Variants in CSMD1 observed in about 807,000 individuals in gnomAD.
The protein encoded by CSMD1 is CUB and Sushi multiple domains 1.
CSMD1 carries 213 observed loss-of-function variants against 417.5 expected under a neutral mutation model. That is an observed-to-expected ratio of 0.51 (90% confidence interval 0.46 to 0.57). CSMD1 has a LOEUF of 0.57. Ranked by LOEUF, CSMD1 falls within the 20% of genes least tolerant of loss-of-function variation. The probability of loss-of-function intolerance (pLI) is 0.00; values close to 1 mark genes in which losing one functional copy is unlikely to be tolerated. For synonymous variants in CSMD1, 2,862 were observed against 1,736.8 expected (o/e 1.65, Z -16.11); for missense variants, 6,923 against 4,529.7 (o/e 1.53, Z -15.17).
intron 1 of CSMD1, among the ~76,000 whole-genome samples, chr8:4,811,447 T>C (rs1798902165): frequency 1.3e-5 from 2 of 152,196 alleles, no homozygotes; most frequent in Admixed American, 6.5e-5. Flanking sequence ...TGATTATTTT[T>C]GTTCTAGAAG....
chr8:4,943,630 T>G (rs1808173886), intron 1 of CSMD1, among the ~76,000 whole-genome samples: 1 of 152,218 alleles, frequency 6.6e-6, no homozygotes, highest in Admixed American at 6.5e-5. Flanking sequence ...AAGGGTGTGA[T>G]GATTTATACT....
intron 7 of CSMD1, among the ~76,000 whole-genome samples, chr8:3,619,318 T>A (rs1192325024): frequency 6.6e-6 from 1 of 152,054 alleles, no homozygotes; most frequent in Non-Finnish European, 1.5e-5. Flanking sequence ...CACTAATTAG[T>A]GAACATTTTC....
chr8:3,700,374 T>C (rs1017318931), intron 7 of CSMD1: 1 of 152,224 alleles, frequency 6.6e-6, no homozygotes, highest in Admixed American at 6.5e-5. Context: ...TATGTGTGTG[T>C]TTATGATACA....
chr8:4,349,352 T>C (rs953429328), intron 3 of CSMD1, among the ~76,000 whole-genome samples: 2 of 152,214 alleles, frequency 1.3e-5, no homozygotes, highest in African/African-American at 2.4e-5. Flanking sequence ...GTAGGTGTTA[T>C]CGTATTTTAC....
At chr8:4,637,223 C>A in intron 2 of CSMD1, 119 bp downstream of exon 2, 1 of 821,008 alleles carries the variant, frequency 1.2e-6, no homozygotes, top group Middle Eastern at 3.8e-4. Flanking sequence ...AGCGAGGCCA[C>A]GAACCCACCG....
Position 3,270,046 on chromosome 8 carries a change from C to CTTTTTTTT in CSMD1, c.4153+14090_4153+14097dup, listed in dbSNP as rs200994813. 8.1e-4 allele frequency among the ~76,000 whole-genome samples: 96 copies of CTTTTTTTT among 118,364 alleles called. 2 individuals are homozygous for CTTTTTTTT. Among genetic ancestry groups the CTTTTTTTT allele is most frequent in the Middle Eastern group, 4.7e-3 (1 of 214 alleles). The allele number at this position is 118,364 out of a possible 152,430, so 77.7% of individuals were successfully genotyped here. ...GAGCAAGGACTTTCTCTAACCTCTT[C>CTTTTTTTT]TTTTTTTTTTTTTTTTTTTTTGAGA... On this transcript the variant is annotated intron_variant, in intron 26 of 69. Transcript: ENST00000635120.
chr8:2,952,349 T>C (rs1279578370), intron 65 of CSMD1, among the ~76,000 whole-genome samples: 1 of 152,180 alleles, frequency 6.6e-6, no homozygotes, highest in African/African-American at 2.4e-5. Flanking sequence ...CCTATACCCA[T>C]GCTTTTCTTT....
chr8:4,667,303 T>G (rs1805001453), intron 1 of CSMD1, among the ~76,000 whole-genome samples: 1 of 152,150 alleles, frequency 6.6e-6, no homozygotes, highest in African/African-American at 2.4e-5. Context: ...TCCAATTTAG[T>G]GCTTCTTTCT....
intron 5 of CSMD1, among the ~76,000 whole-genome samples, chr8:3,771,946 A>C (rs1318422184): frequency 2.0e-5 from 3 of 152,026 alleles, no homozygotes; most frequent in African/African-American, 2.4e-5. Context: ...AAGCCGTGTA[A>C]TGTCTACTGG....
chr8:3,773,478 G>A (rs1334217420), intron 5 of CSMD1, among the ~76,000 whole-genome samples: 1 of 151,916 alleles, frequency 6.6e-6, no homozygotes, highest in Non-Finnish European at 1.5e-5. Context: ...GTAGAGATTG[G>A]GTCTCACCGT....
chr8:4,143,216 G>C (rs908239777), intron 3 of CSMD1, among the ~76,000 whole-genome samples: 2 of 151,150 alleles, frequency 1.3e-5, no homozygotes, highest in African/African-American at 4.9e-5. Context: ...CCACAGAACG[G>C]TGTGGTCTAA....
chr8:3,499,179 G>A (rs761484740), intron 10 of CSMD1, among the ~76,000 whole-genome samples: 1 of 152,168 alleles, frequency 6.6e-6, no homozygotes, highest in African/African-American at 2.4e-5. Context: ...GTCTCATAGT[G>A]TCAGTTGGGT....
At chr8:4,950,837 T>A (rs1808696000) in intron 1 of CSMD1, among the ~76,000 whole-genome samples, 1 of 152,058 alleles carries the variant, frequency 6.6e-6, no homozygotes, top group Admixed American at 6.6e-5. Context: ...GGAGCACCAC[T>A]CAACCACTCT....
chr8:3,960,467 A>G (rs1343162134), intron 5 of CSMD1, among the ~76,000 whole-genome samples: 6 of 152,216 alleles, frequency 3.9e-5, no homozygotes, highest in African/African-American at 1.4e-4. Context: ...AGGGGCGAAT[A>G]TTATTTATGC....
rs1175905929 is a variant in CSMD1 at position 3,394,012 on chromosome 8, T to TTATA, written c.2593+2178_2593+2181dup. 7.7e-3 allele frequency among the ~76,000 whole-genome samples: 242 copies of TTATA among 31,386 alleles called. 2 individuals are homozygous for TTATA. The highest frequency in any genetic ancestry group is 9.3e-3 in the Non-Finnish European group (156 of 16,748). 20.6% of individuals were successfully genotyped at this position (31,386 alleles called of 152,430 possible). On this transcript the variant is annotated intron_variant, in intron 17 of 69. Transcript: ENST00000635120. ...ATAATAATAATAATAAAAAAATAAA[T>TTATA]TATATATATATATATATATATATAT... is the stretch of plus-strand genomic sequence containing the variant.
At chr8:3,028,510 A>C (rs190645002) in intron 51 of CSMD1, among the ~76,000 whole-genome samples, 10 of 152,288 alleles carry the variant, frequency 6.6e-5, no homozygotes, top group African/African-American at 2.4e-4. Flanking sequence ...GTTCATTACG[A>C]TTATGAAAGC....
At chr8:4,263,886 C>T (rs1419996072) in intron 3 of CSMD1, among the ~76,000 whole-genome samples, 1 of 152,106 alleles carries the variant, frequency 6.6e-6, no homozygotes. Flanking sequence ...ATGCTCAGAA[C>T]AATTATAGAC....
chr8:3,726,422 G>C (rs1563314780), intron 6 of CSMD1, among the ~76,000 whole-genome samples: 1 of 152,218 alleles, frequency 6.6e-6, no homozygotes, highest in Non-Finnish European at 1.5e-5. Flanking sequence ...AGGATGGAAT[G>C]AGATTGGTGA....
chr8:2,938,482 A>G lies in CSMD1; in HGVS notation c.*103T>C, dbSNP rs889709492. 25 of 1,135,784 alleles carry G rather than the reference A, an allele frequency of 2.2e-5. No individual in the cohort carries two copies. The highest frequency in any genetic ancestry group is 3.1e-5 in the Non-Finnish European group (25 of 805,430). The allele number at this position is 1,135,784 out of a possible 1,614,324, so 70.4% of individuals were successfully genotyped here. A position where few individuals can be genotyped will look rare whatever the true frequency, so the allele number is the denominator to read the frequency against. Reference sequence around the variant, plus strand: ...AGTAGACAAGGTTGAAGATCGCTGCAGTAAAGCCAGAGTGGAAGGGAGAGT... The same window carrying G: ...AGTAGACAAGGTTGAAGATCGCTGCGGTAAAGCCAGAGTGGAAGGGAGAGT... On this transcript the variant is annotated 3_prime_UTR_variant, in exon 70 of 70. Coordinates refer to ENST00000635120, the MANE Select transcript of CSMD1 (RefSeq NM_033225.6).
Sources: gnomAD v4.1 joint callset for allele counts (sites outside exome capture counted in the v4.1 genomes callset) on GRCh38, gnomAD v4.1.1 for gene constraint, MANE v1.5 for transcripts, NCBI Gene and HGNC (gene_info 2026-07-23, HGNC 2026-07-21) for gene names.